The following ZZZ3 variants were observed in gnomAD, a reference collection of about 807,000 sequenced individuals.
The protein encoded by ZZZ3 is ZZ-type zinc finger-containing protein 3.
Under a neutral mutation model 95.2 loss-of-function variants are expected in ZZZ3, and 22 were observed. That is an observed-to-expected ratio of 0.23 (90% CI 0.17 to 0.33). ZZZ3 has a LOEUF of 0.33. Among genes scored for constraint, ZZZ3 ranks in the 10% least tolerant of loss-of-function variants. The probability of loss-of-function intolerance (pLI) is 1.00; values close to 1 mark genes in which losing one functional copy is unlikely to be tolerated. For missense variants in ZZZ3, 885 were observed against 1,066.5 expected (o/e 0.83, Z 2.37); for synonymous variants, 335 against 358.9 (o/e 0.93, Z 0.75).
At chr1:77,608,962 A>C (rs1466916725) in intron 5 of ZZZ3, among the ~76,000 whole-genome samples, 1 of 152,192 alleles carries the variant, frequency 6.6e-6, no homozygotes, top group Non-Finnish European at 1.5e-5. Context: ...TCACTAAAAA[A>C]AGACACGAAG....
intron 13 of ZZZ3, among the ~76,000 whole-genome samples, chr1:77,568,079 T>G (rs888038444): frequency 2.0e-5 from 3 of 152,086 alleles, no homozygotes; most frequent in Admixed American, 2.0e-4. Context: ...AAATGAATAC[T>G]GCAGCCTGGC....
chr1:77,590,622 T>C (rs890304614), intron 5 of ZZZ3, among the ~76,000 whole-genome samples: 1 of 152,252 alleles, frequency 6.6e-6, no homozygotes, highest in African/African-American at 2.4e-5. Flanking sequence ...GCAAATGTAA[T>C]GCATAATCTT....
At chr1:77,613,729 C>T (rs140864761) in intron 5 of ZZZ3, among the ~76,000 whole-genome samples, 23 of 152,172 alleles carry the variant, frequency 1.5e-4, no homozygotes, top group African/African-American at 5.5e-4. Context: ...CCATTCCCTG[C>T]CACACACATA....
intron 1 of ZZZ3, among the ~76,000 whole-genome samples, chr1:77,658,178 CA>C (rs1186224710): frequency 0.1 from 8,028 of 76,604 alleles, 121 homozygotes; most frequent in African/African-American, 0.12. Context: ...GACTTTGTCT[CA>C]AAAAAAAAAA....
intron 11 of ZZZ3, among the ~76,000 whole-genome samples, chr1:77,578,552 C>T (rs898235152): frequency 6.6e-6 from 1 of 152,186 alleles, no homozygotes; most frequent in Non-Finnish European, 1.5e-5. Flanking sequence ...TCAAGTAGCA[C>T]TCATTCACAT....
chr1:77,661,334 G>A (rs538231588), intron 1 of ZZZ3, among the ~76,000 whole-genome samples: 1 of 152,186 alleles, frequency 6.6e-6, no homozygotes, highest in South Asian at 2.1e-4. Context: ...AATCGCTTGA[G>A]CCCAGGAGTC....
intron 1 of ZZZ3, among the ~76,000 whole-genome samples, chr1:77,675,876 T>C (rs150640740): frequency 1.6e-4 from 24 of 152,308 alleles, no homozygotes; most frequent in African/African-American, 5.5e-4. Flanking sequence ...CTCTTTGACA[T>C]AGATACCTTC....
intron 13 of ZZZ3, among the ~76,000 whole-genome samples, chr1:77,567,713 C>A (rs78098023): frequency 6.6e-6 from 1 of 152,246 alleles, no homozygotes; most frequent in East Asian, 1.9e-4. Context: ...ATCTCTAGCA[C>A]TTAGCAAAGT....
At chr1:77,569,647 TCA>T (rs1175078522) in intron 12 of ZZZ3, among the ~76,000 whole-genome samples, 2 of 152,198 alleles carry the variant, frequency 1.3e-5, no homozygotes, top group East Asian at 3.8e-4. Flanking sequence ...TCATTCCTTC[TCA>T]GAGTCTCCCA....
At chr1:77,605,623 T>C (rs1039522563) in intron 5 of ZZZ3, among the ~76,000 whole-genome samples, 3 of 152,144 alleles carry the variant, frequency 2.0e-5, no homozygotes, top group African/African-American at 7.2e-5. Flanking sequence ...GAGGACTTTG[T>C]CTTGCATCTT....
chr1:77,588,193 G>A lies in ZZZ3; in HGVS notation c.1506-3538C>T, dbSNP rs191384626. Among the ~76,000 whole-genome samples the A allele has an allele frequency of 9.9e-5, 15 of 152,160 alleles. No individual in the cohort carries two copies. The South Asian group carries it at 1.0e-3, about 11-fold the overall frequency. ...GTGGTGTCTAACATTTACTGAATGC[G>A]TACTACATGCCAGACAAATGTTGCA... On this transcript the variant is annotated intron_variant, in intron 5 of 14. Transcript: ENST00000370801.
chr1:77,667,415 C>T (rs1479378056), intron 1 of ZZZ3, among the ~76,000 whole-genome samples: 3 of 152,146 alleles, frequency 2.0e-5, no homozygotes, highest in African/African-American at 7.2e-5. Flanking sequence ...AACCCTTCTC[C>T]TACACTTAAA....
At chr1:77,678,054 C>G (rs1316659937) in intron 1 of ZZZ3, among the ~76,000 whole-genome samples, 3 of 152,074 alleles carry the variant, frequency 2.0e-5, no homozygotes, top group Non-Finnish European at 4.4e-5. Flanking sequence ...ATGAAAAAAA[C>G]TCACTACAAA....
chr1:77,583,695 C>T (rs928875547), intron 6 of ZZZ3, among the ~76,000 whole-genome samples: 1 of 152,068 alleles, frequency 6.6e-6, no homozygotes, highest in African/African-American at 2.4e-5. Flanking sequence ...CATAAAGATA[C>T]TAAAGTTGTC....
At chr1:77,610,580 A>C (rs1665691175) in intron 5 of ZZZ3, among the ~76,000 whole-genome samples, 1 of 151,942 alleles carries the variant, frequency 6.6e-6, no homozygotes, top group South Asian at 2.1e-4. Context: ...ACAAGCAAAC[A>C]AAATTCAACA....
intron 5 of ZZZ3, among the ~76,000 whole-genome samples, chr1:77,592,296 T>A (rs1663779905): frequency 6.6e-6 from 1 of 152,124 alleles, no homozygotes; most frequent in Non-Finnish European, 1.5e-5. Flanking sequence ...ATAAGTAATT[T>A]TCCAAAGAAA....
At chr1:77,580,968 A>G in intron 9 of ZZZ3, 30 bp downstream of exon 9, 2 of 1,586,390 alleles carry the variant, frequency 1.3e-6, no homozygotes, top group Non-Finnish European at 8.7e-7. Context: ...TTGTTTTTTT[A>G]AGCCTACACG....
chr1:77,672,534 T>C (rs1671878072), intron 1 of ZZZ3, among the ~76,000 whole-genome samples: 1 of 152,222 alleles, frequency 6.6e-6, no homozygotes, highest in Admixed American at 6.5e-5. Flanking sequence ...ACCCAAGTAG[T>C]GCTACTCAAA....
At chr1:77,569,091 C>CT (rs1354524677) in intron 12 of ZZZ3, among the ~76,000 whole-genome samples, 2 of 152,218 alleles carry the variant, frequency 1.3e-5, no homozygotes, top group Admixed American at 6.5e-5. Context: ...AATCCCAGCA[C>CT]TTTGGGAGGC....
Sources: allele counts gnomAD v4.1 joint callset (sites outside exome capture counted in the v4.1 genomes callset), GRCh38; gene constraint gnomAD v4.1.1; transcripts MANE v1.5; gene names NCBI Gene and HGNC (gene_info 2026-07-23, HGNC 2026-07-21).